The following ARHGAP39 variants were observed in gnomAD, a reference collection of about 807,000 sequenced individuals.
ARHGAP39 encodes rho GTPase-activating protein 39.
In ARHGAP39, 44 loss-of-function variants were observed where a neutral mutation model predicts 106.9. That is an observed-to-expected ratio of 0.41 (90% confidence interval 0.32 to 0.53). ARHGAP39 has a LOEUF of 0.53. Among genes scored for constraint, ARHGAP39 ranks in the 20% least tolerant of loss-of-function variants. The probability of loss-of-function intolerance (pLI) is 0.21; values close to 1 mark genes in which losing one functional copy is unlikely to be tolerated. For missense variants in ARHGAP39, 1,496 were observed against 1,577.3 expected (o/e 0.95, Z 0.87); for synonymous variants, 768 against 693.2 (o/e 1.11, Z -1.69).
chr8:144,642,483 T>C (rs1033729749), intron 1 of ARHGAP39, among the ~76,000 whole-genome samples: 2 of 150,926 alleles, frequency 1.3e-5, no homozygotes, highest in Non-Finnish European at 3.0e-5. Flanking sequence ...TGAGACTCCG[T>C]CTTAGGGGAA....
At chr8:144,676,234 G>A (rs1011160578) in intron 1 of ARHGAP39, among the ~76,000 whole-genome samples, 1 of 152,156 alleles carries the variant, frequency 6.6e-6, no homozygotes, top group East Asian at 1.9e-4. Flanking sequence ...ATTTTACACA[G>A]AGCTGATTGG....
intron 4 of ARHGAP39, among the ~76,000 whole-genome samples, chr8:144,552,799 CT>C (rs887777307): frequency 1.6e-3 from 231 of 146,556 alleles, no homozygotes; most frequent in African/African-American, 1.4e-3. Flanking sequence ...TTTATAATTT[CT>C]TTTTTTTTTT....
chr8:144,532,326 G>A lies in ARHGAP39; in HGVS notation c.2959C>T (p.Leu987=). The A allele has an allele frequency of 5.0e-6, 8 of 1,612,898 alleles. No individual in the cohort carries two copies. Among genetic ancestry groups the A allele is most frequent in the Non-Finnish European group, 6.8e-6 (8 of 1,179,758 alleles). Residue 987 remains leucine (L), a synonymous_variant, in exon 10 of 12, where the codon CTG becomes TTG. Coordinates refer to ENST00000377307, the MANE Select transcript of ARHGAP39 (RefSeq NM_025251.3). ...TCACCAGGGACGTGGGGGTCTTCCA[G>A]GCCTGTGGGCACCTTCCACTGGTCC... ...QVDQWKVPTG[L]EDPHVPASLL...
the ARHGAP39 span, among the ~76,000 whole-genome samples, chr8:144,694,112 C>T: frequency 2.0e-5 from 3 of 152,168 alleles, no homozygotes; most frequent in Non-Finnish European, 4.4e-5. Context: ...AAGGGGATGG[C>T]GAGGGTCTGG....
chr8:144,560,023 T>C (rs1236353258), intron 3 of ARHGAP39, among the ~76,000 whole-genome samples: 2 of 152,260 alleles, frequency 1.3e-5, no homozygotes, highest in Non-Finnish European at 2.9e-5. Flanking sequence ...AGCACTAATA[T>C]CTATTACAAG....
intron 4 of ARHGAP39, among the ~76,000 whole-genome samples, chr8:144,552,103 A>G (rs1052121896): frequency 1.3e-5 from 2 of 152,264 alleles, no homozygotes; most frequent in African/African-American, 4.8e-5. Context: ...TTCAGGGGAC[A>G]CTTCCAAACT....
chr8:144,675,529 G>A lies in ARHGAP39; in HGVS notation c.-82+10157C>T, dbSNP rs770428694. On this transcript the variant is annotated intron_variant, in intron 1 of 11. Transcript: ENST00000377307. ...GTGTTACAGCTCTTAAAGATGGTGC[G>A]TCTGGAGTTGTTCATTCCTTCCGGT... 3.3e-5 allele frequency among the ~76,000 whole-genome samples: 5 copies of A among 152,078 alleles called. No homozygotes were observed. The South Asian group carries it at 8.3e-4, about 25-fold the overall frequency.
intron 1 of ARHGAP39, among the ~76,000 whole-genome samples, chr8:144,662,515 A>C: frequency 9.3e-6 from 1 of 107,992 alleles, no homozygotes. Flanking sequence ...CCCCGTCAGC[A>C]TTATCCACCT....
rs1817501038 is a variant in ARHGAP39 at position 144,547,630 on chromosome 8, C to G, written c.1456G>C (p.Gly486Arg). 6.6e-7 allele frequency: 1 copy of G among 1,518,126 alleles called. No individual in the cohort carries two copies. Among genetic ancestry groups the G allele is most frequent in the African/African-American group, 1.4e-5 (1 of 72,980 alleles). 94.0% of individuals were successfully genotyped at this position (1,518,126 alleles called of 1,614,324 possible). The part of the protein sequence containing the change: ...SSQQDTLSST[G>R]YSPGTRKRKS... ...CGCTTGCGCGTGCCCGGGGAGTAGCCTGTGGAGGACAGGGTGTCCTGCTGG... is the reference window on the plus strand; with the variant it reads ...CGCTTGCGCGTGCCCGGGGAGTAGCGTGTGGAGGACAGGGTGTCCTGCTGG... Residue 486 changes from glycine to arginine, a missense_variant, in exon 5 of 12, where the codon GGC (glycine) becomes CGC (arginine). By Grantham distance (125) the Gly-to-Arg change is moderately radical (BLOSUM62 -2). This residue lies in a region of ARHGAP39 where 905 missense variants were observed against 816.4 expected (regional missense o/e 1.11). Coordinates refer to ENST00000377307, the MANE Select transcript of ARHGAP39 (RefSeq NM_025251.3). The surrounding 1 kb of genome is among the most constrained non-coding windows in gnomAD (Gnocchi z 5.2).
intron 1 of ARHGAP39, among the ~76,000 whole-genome samples, chr8:144,626,593 G>A (rs1271291215): frequency 3.3e-5 from 5 of 150,826 alleles, no homozygotes; most frequent in Non-Finnish European, 5.9e-5. Context: ...GGCATCCCCT[G>A]TCCCGGCGGC....
chr8:144,640,716 C>T lies in ARHGAP39; in HGVS notation c.-81-35021G>A, dbSNP rs2110. 4.3e-3 allele frequency among the ~76,000 whole-genome samples: 649 copies of T among 152,272 alleles called. 7 individuals are homozygous for T. Among genetic ancestry groups the T allele is most frequent in the African/African-American group, 0.015 (608 of 41,534 alleles). Reference sequence around the variant, plus strand: ...TAAAGAAGTGTTTTCCCGATAAATACCCATTAGGTATTAGATAAGCATCCC... The same window carrying T: ...TAAAGAAGTGTTTTCCCGATAAATATCCATTAGGTATTAGATAAGCATCCC... On this transcript the variant is annotated intron_variant, in intron 1 of 11. Transcript: ENST00000377307.
chr8:144,550,900 G>C (rs1180857559), intron 4 of ARHGAP39, among the ~76,000 whole-genome samples: 1 of 152,250 alleles, frequency 6.6e-6, no homozygotes, highest in Non-Finnish European at 1.5e-5. Context: ...ACTCCAGTCT[G>C]TTGCTCTGTG....
At chr8:144,626,998 G>A (rs1233093487) in intron 1 of ARHGAP39, among the ~76,000 whole-genome samples, 1 of 152,226 alleles carries the variant, frequency 6.6e-6, no homozygotes, top group African/African-American at 2.4e-5. Flanking sequence ...CCCCCCTGGG[G>A]AGAGGATCCC....
Position 144,533,176 on chromosome 8 carries a change from G to C in ARHGAP39, c.2838C>G (p.Leu946=), listed in dbSNP as rs1280956696. ...CGTTGAGCGCCAGCACCTCCTCAGA[G>C]AGCCGTGTCTGCACCCAGGGCAGCT... ...ERQLPWVQTR[L]SEEVLALNGD... is the part of the protein sequence containing the mutation. The change falls in exon 9 of 12, where the codon CTC becomes CTG. Residue 946 remains leucine (L), a synonymous_variant. Coordinates refer to ENST00000377307, the MANE Select transcript of ARHGAP39 (RefSeq NM_025251.3). 1 of 1,611,124 alleles carries C rather than the reference G, an allele frequency of 6.2e-7. No homozygotes were observed. Among genetic ancestry groups the C allele is most frequent in the Non-Finnish European group, 8.5e-7 (1 of 1,179,746 alleles).
intron 1 of ARHGAP39, among the ~76,000 whole-genome samples, chr8:144,682,474 A>G (rs1335978028): frequency 3.6e-5 from 5 of 140,178 alleles, no homozygotes; most frequent in African/African-American, 1.1e-4. Context: ...GTGTGAACCC[A>G]GGAGGCGGAG....
rs554127036 is a variant in ARHGAP39 at position 144,684,050 on chromosome 8, G to A, written c.-82+1636C>T. 6.6e-6 allele frequency among the ~76,000 whole-genome samples: 1 copy of A among 152,300 alleles called. No individual in the cohort carries two copies. Among genetic ancestry groups the A allele is most frequent in the Non-Finnish European group, 1.5e-5 (1 of 68,026 alleles). On this transcript the variant is annotated intron_variant, in intron 1 of 11. Coordinates refer to ENST00000377307, the MANE Select transcript of ARHGAP39 (RefSeq NM_025251.3). This position sits in a 1 kb window ranked among gnomAD's most constrained non-coding sequence, Gnocchi z 4.4. The stretch of plus-strand genomic sequence containing the variant: ...AAGCCAAAGGCACAGAGACCTTGCC[G>A]AAGACCACAAAGCCAGTAAACAGAA...
At chr8:144,601,400 G>T (rs560091745) in intron 2 of ARHGAP39, among the ~76,000 whole-genome samples, 1 of 142,832 alleles carries the variant, frequency 7.0e-6, no homozygotes, top group African/African-American at 2.6e-5. Flanking sequence ...GTGTGTGCTC[G>T]TCTACCTGCG....
In ARHGAP39 at chr8:144,533,217, GCT is replaced by G; in HGVS notation, c.2795_2796del (p.Glu932AlafsTer16). ...CAGGGCAGCTGGCGCTCGGGGTAGC[GCT>G]CTCTCTGCATGCCCATGACCTCCTG... Reference protein sequence around the residue: ...ALQEVMGMQRERYPERQLPWV... With the variant: ...ALQEVMGMQRXRYPERQLPWV... On this transcript the variant is annotated frameshift_variant, in exon 9 of 12. Coordinates refer to ENST00000377307, the MANE Select transcript of ARHGAP39 (RefSeq NM_025251.3). LOFTEE classifies it high-confidence loss of function. 6.2e-7 allele frequency: 1 copy of G among 1,612,882 alleles called. No homozygotes were observed. The highest frequency in any genetic ancestry group is 8.5e-7 in the Non-Finnish European group (1 of 1,179,968).
At chr8:144,538,349 G>A (rs1564835870) in intron 6 of ARHGAP39, among the ~76,000 whole-genome samples, 1 of 152,214 alleles carries the variant, frequency 6.6e-6, no homozygotes, top group Non-Finnish European at 1.5e-5. Flanking sequence ...CCTAGCTGAG[G>A]TCACGGCTGG....
Sources: gnomAD v4.1 joint callset for allele counts (sites outside exome capture counted in the v4.1 genomes callset) on GRCh38, gnomAD v4.1.1 for gene constraint, gnomAD v4.1.1 regional missense constraint, Gnocchi (gnomAD v3.1) non-coding constraint, MANE v1.5 for transcripts, NCBI Gene and HGNC (gene_info 2026-07-23, HGNC 2026-07-21) for gene names.